The following PAG1 variants were observed in gnomAD, a reference collection of about 807,000 sequenced individuals.
PAG1 encodes the protein phosphoprotein membrane anchor with glycosphingolipid microdomains 1.
PAG1 carries 23 observed loss-of-function variants against 31.7 expected under a neutral mutation model. The observed-to-expected ratio is 0.73, with a 90% CI of 0.52 to 1.03. PAG1 has a LOEUF of 1.03. PAG1 is among the 50% of genes least tolerant of loss of function. The pLI is 0.00. For synonymous variants in PAG1, 214 were observed against 210.3 expected, an observed-to-expected ratio of 1.02 and a Z score of -0.15; for missense variants, 473 against 540.7, an observed-to-expected ratio of 0.87 and a Z score of 1.24.
intron 2 of PAG1, chr8:81,039,369 T>C (rs1419476399): frequency 1.3e-5 from 2 of 152,222 alleles, no homozygotes; most frequent in African/African-American, 4.8e-5. Context: ...ATGGGGGGAT[T>C]TGGACACAGG....
chr8:81,025,925 C>T (rs1268125365), intron 3 of PAG1, among the ~76,000 whole-genome samples: 1 of 151,986 alleles, frequency 6.6e-6, no homozygotes, highest in Non-Finnish European at 1.5e-5. Context: ...TTTACAGACC[C>T]TAAAGGGGCC....
rs189030725 is a variant in PAG1, at chr8:80,972,906, G to A, written c.*3638C>T. 2 of 151,534 alleles carry A rather than the reference G, an allele frequency of 1.3e-5. No homozygotes were observed. The highest frequency in any genetic ancestry group is 3.9e-4 in the East Asian group (2 of 5,152). The allele number at this position is 151,534 out of a possible 1,614,324, so 9.4% of individuals were successfully genotyped here. On this transcript the variant is annotated 3_prime_UTR_variant, in exon 9 of 9. Transcript: ENST00000220597. ...TATCCTAATTAAGCACCAGAGTTGTGTCAGAGCCAAGTATATACACACACA... is the reference window on the plus strand; with the variant it reads ...TATCCTAATTAAGCACCAGAGTTGTATCAGAGCCAAGTATATACACACACA...
At chr8:81,106,348 G>C (rs1344715653) in intron 1 of PAG1, among the ~76,000 whole-genome samples, 1 of 151,846 alleles carries the variant, frequency 6.6e-6, no homozygotes, top group Non-Finnish European at 1.5e-5. Flanking sequence ...ACCAGGCCTA[G>C]TGAGCAATTT....
chr8:81,048,163 C>T (rs762669280), intron 2 of PAG1, among the ~76,000 whole-genome samples: 18 of 152,154 alleles, frequency 1.2e-4, no homozygotes, highest in Middle Eastern at 3.2e-3. Context: ...CCCCTTCTCC[C>T]CTGACCACTT....
At chr8:81,084,957 G>A (rs1263471050) in intron 1 of PAG1, among the ~76,000 whole-genome samples, 13 of 152,204 alleles carry the variant, frequency 8.5e-5, no homozygotes, top group Non-Finnish European at 2.9e-5. Context: ...AAAGGTTACT[G>A]TTAAGAAATT....
At chr8:81,033,518 A>C (rs1181423153) in intron 2 of PAG1, among the ~76,000 whole-genome samples, 1 of 152,194 alleles carries the variant, frequency 6.6e-6, no homozygotes, top group Non-Finnish European at 1.5e-5. Context: ...ACCGAATGGA[A>C]TTTTAGGACT....
intron 2 of PAG1, among the ~76,000 whole-genome samples, chr8:81,035,239 C>A (rs1044591805): frequency 6.6e-6 from 1 of 152,080 alleles, no homozygotes; most frequent in African/African-American, 2.4e-5. Flanking sequence ...CCTGGCAAGA[C>A]CAACACAGAC....
chr8:81,086,578 T>C (rs1180862575), intron 1 of PAG1, among the ~76,000 whole-genome samples: 3 of 151,860 alleles, frequency 2.0e-5, no homozygotes, highest in African/African-American at 4.8e-5. Context: ...TTGAAACATA[T>C]AGAAGTGGAA....
chr8:81,060,097 G>C (rs1808893864), intron 2 of PAG1, among the ~76,000 whole-genome samples: 1 of 151,742 alleles, frequency 6.6e-6, no homozygotes, highest in Non-Finnish European at 1.5e-5. Context: ...TCCAAATTAA[G>C]CAAGTAAATA....
rs1485957745 is a variant in PAG1 at position 81,097,723 on chromosome 8, AAAG to A, written c.-234+13865_-234+13867del. Among the ~76,000 whole-genome samples, 403 of 152,172 alleles carry A rather than the reference AAAG, an allele frequency of 2.6e-3. 4 individuals carry two copies. Among genetic ancestry groups the A allele is most frequent in the African/African-American group, 9.3e-3 (384 of 41,504 alleles). ...AATTAAGAACTTTAAAAAAAAAAAAAAAGAAGTAATAAACAGTAGTAATGTAGT... is the reference window on the plus strand; with the variant it reads ...AATTAAGAACTTTAAAAAAAAAAAAAAAGTAATAAACAGTAGTAATGTAGT... On this transcript the variant is annotated intron_variant, in intron 1 of 8. Transcript: ENST00000220597.
At chr8:81,000,460 GC>G (rs1807765311) in intron 3 of PAG1, among the ~76,000 whole-genome samples, 1 of 152,158 alleles carries the variant, frequency 6.6e-6, no homozygotes, top group South Asian at 2.1e-4. Context: ...TGTCGCCCAG[GC>G]TGGAGTGCAG....
intron 2 of PAG1, among the ~76,000 whole-genome samples, chr8:81,034,350 C>G (rs916118052): frequency 1.3e-5 from 2 of 152,148 alleles, no homozygotes; most frequent in African/African-American, 4.8e-5. Flanking sequence ...AAGGATGTTG[C>G]TATAATAAAA....
chr8:80,989,457 G>C (rs1285783346), intron 5 of PAG1, among the ~76,000 whole-genome samples: 6 of 152,206 alleles, frequency 3.9e-5, no homozygotes, highest in Admixed American at 3.9e-4. Context: ...GAGCTGAAAA[G>C]CTCTTAAGGA....
intron 1 of PAG1, among the ~76,000 whole-genome samples, chr8:81,075,564 T>G (rs1349174054): frequency 6.6e-6 from 1 of 152,234 alleles, no homozygotes; most frequent in African/African-American, 2.4e-5. Context: ...GCAGACACCA[T>G]GCTATACATT....
chr8:80,968,383 G>T lies in PAG1; in HGVS notation c.*8161C>A, dbSNP rs940734504. ...CTCGAGGTCACATAGTAAAGTCAAT[G>T]CTGGAACAGGGACCACAGCCCTGTG... On this transcript the variant is annotated 3_prime_UTR_variant, in exon 9 of 9. Coordinates refer to ENST00000220597, the MANE Select transcript of PAG1 (RefSeq NM_018440.4). 3.9e-5 allele frequency: 6 copies of T among 152,218 alleles called. No homozygotes were observed. The highest frequency in any genetic ancestry group is 1.2e-4 in the African/African-American group (5 of 41,466). 9.4% of individuals were successfully genotyped at this position (152,218 alleles called of 1,614,324 possible). A position where few individuals can be genotyped will look rare whatever the true frequency, so the allele number is the denominator to read the frequency against.
chr8:81,040,724 C>G (rs537884013), intron 2 of PAG1: 3 of 151,726 alleles, frequency 2.0e-5, no homozygotes, highest in African/African-American at 7.3e-5. Flanking sequence ...TTATGTATAC[C>G]CCATGTTTTA....
At chr8:81,028,857 C>A (rs541138534) in intron 3 of PAG1, among the ~76,000 whole-genome samples, 14 of 152,266 alleles carry the variant, frequency 9.2e-5, no homozygotes, top group African/African-American at 3.1e-4. Context: ...TAATGTACAG[C>A]CTACATTTCC....
intron 6 of PAG1, among the ~76,000 whole-genome samples, chr8:80,986,696 G>T (rs1356120932): frequency 1.3e-5 from 2 of 152,052 alleles, no homozygotes; most frequent in Admixed American, 1.3e-4. Context: ...GGAGGGATTA[G>T]GGCTACAGGT....
rs1807151694 is a variant in PAG1 at position 80,974,888 on chromosome 8, A to C, written c.*1656T>G. ...AAAATGAAAAGTGAACAAGTTTCCT[A>C]ATGCTGGCCTTATAAGATCTAAAGA... On this transcript the variant is annotated 3_prime_UTR_variant, in exon 9 of 9. Transcript: ENST00000220597. The C allele has an allele frequency of 1.3e-5, 2 of 152,198 alleles. No homozygotes were observed. The highest frequency in any genetic ancestry group is 2.9e-5 in the Non-Finnish European group (2 of 68,032). The allele number at this position is 152,198 out of a possible 1,614,324, so 9.4% of individuals were successfully genotyped here. A position where few individuals can be genotyped will look rare whatever the true frequency, so the allele number is the denominator to read the frequency against.
Sources: gnomAD v4.1 joint callset for allele counts (sites outside exome capture counted in the v4.1 genomes callset) on GRCh38, gnomAD v4.1.1 for gene constraint, MANE v1.5 for transcripts, NCBI Gene and HGNC (gene_info 2026-07-23, HGNC 2026-07-21) for gene names.